Variants in ADGRL2 observed in about 807,000 individuals in gnomAD.
ADGRL2 encodes adhesion G protein-coupled receptor L2.
ADGRL2 carries 44 observed loss-of-function variants against 157.4 expected under a neutral mutation model. That is an observed-to-expected ratio of 0.28 (90% CI 0.22 to 0.36). The LOEUF (loss-of-function observed/expected upper bound fraction) is 0.36, where lower values mean the gene tolerates loss of function less well. Among genes scored for constraint, ADGRL2 ranks in the 10% least tolerant of loss-of-function variants. The probability of loss-of-function intolerance (pLI) is 1.00; values close to 1 mark genes in which losing one functional copy is unlikely to be tolerated. For synonymous variants in ADGRL2, 585 were observed against 624.7 expected (o/e 0.94, Z 0.95); for missense variants, 1,510 against 1,768.9 (o/e 0.85, Z 2.63).
chr1:81,785,769 C>A (rs537815053), intron 2 of ADGRL2, among the ~76,000 whole-genome samples: 1 of 152,100 alleles, frequency 6.6e-6, no homozygotes, highest in African/African-American at 2.4e-5. Context: ...ACCGAACTAG[C>A]ATGTTTAATA....
At chr1:81,430,443 A>G (rs1353926551) in intron 1 of ADGRL2, among the ~76,000 whole-genome samples, 1 of 152,114 alleles carries the variant, frequency 6.6e-6, no homozygotes, top group Non-Finnish European at 1.5e-5. Flanking sequence ...GTTTCCAGTT[A>G]GAGGATGGGA....
chr1:81,357,780 A>G (rs1005644982), intron 1 of ADGRL2, among the ~76,000 whole-genome samples: 1 of 152,164 alleles, frequency 6.6e-6, no homozygotes, highest in Admixed American at 6.6e-5. Flanking sequence ...TAAAATCTGT[A>G]TATAAACCCA....
intron 3 of ADGRL2, among the ~76,000 whole-genome samples, chr1:81,687,388 T>C (rs1163158842): frequency 6.6e-6 from 1 of 152,234 alleles, no homozygotes; most frequent in African/African-American, 2.4e-5. Context: ...TTTAGCATTA[T>C]ATAATGTCTC....
At chr1:81,657,042 T>C (rs1570752704) in intron 3 of ADGRL2, among the ~76,000 whole-genome samples, 1 of 149,272 alleles carries the variant, frequency 6.7e-6, no homozygotes, top group East Asian at 2.0e-4. Flanking sequence ...CAGAAAGCCA[T>C]GCAACTTATA....
intron 2 of ADGRL2, among the ~76,000 whole-genome samples, chr1:81,454,407 T>C (rs371780732): frequency 3.3e-5 from 5 of 152,216 alleles, no homozygotes; most frequent in African/African-American, 9.6e-5. Flanking sequence ...TCTTGTGATA[T>C]AGATTTCCAA....
intron 3 of ADGRL2, among the ~76,000 whole-genome samples, chr1:81,630,748 A>C (rs565190872): frequency 6.6e-6 from 1 of 152,352 alleles, no homozygotes; most frequent in Non-Finnish European, 1.5e-5. Flanking sequence ...ATAGGCTACA[A>C]GTTTAAAGTT....
At chr1:81,467,046 T>TAA (rs550364036) in intron 2 of ADGRL2, among the ~76,000 whole-genome samples, 1,423 of 130,664 alleles carry the variant, frequency 0.011, 25 homozygotes, top group East Asian at 0.079. Context: ...AAGCTACAGT[T>TAA]AAAAAAAAAA....
chr1:81,482,122 T>C (rs2147886617), intron 2 of ADGRL2, among the ~76,000 whole-genome samples: 1 of 152,344 alleles, frequency 6.6e-6, no homozygotes, highest in East Asian at 1.9e-4. Flanking sequence ...GCTTAGACTC[T>C]TTTAAAACAC....
intron 3 of ADGRL2, among the ~76,000 whole-genome samples, chr1:81,601,078 C>G (rs17106796): frequency 0.15 from 22,753 of 152,150 alleles, 1,926 homozygotes; most frequent in Non-Finnish European, 0.18. Context: ...TGACTAGCAA[C>G]TGCGTTTTCC....
chr1:81,604,753 A>G (rs2148648167), intron 3 of ADGRL2, among the ~76,000 whole-genome samples: 1 of 152,218 alleles, frequency 6.6e-6, no homozygotes, highest in East Asian at 1.9e-4. Context: ...CTTCTCATCA[A>G]GAACACAGCA....
chr1:81,853,953 T>G (rs934258148), intron 2 of ADGRL2, among the ~76,000 whole-genome samples: 1 of 152,174 alleles, frequency 6.6e-6, no homozygotes, highest in Non-Finnish European at 1.5e-5. Context: ...TTTAATAAGT[T>G]GGATCACAGA....
At chr1:81,549,161 C>A (rs1480385710) in intron 2 of ADGRL2, among the ~76,000 whole-genome samples, 1 of 152,226 alleles carries the variant, frequency 6.6e-6, no homozygotes, top group Non-Finnish European at 1.5e-5. Context: ...TATTACCAAG[C>A]AGATCCTTTT....
At chr1:81,863,093 G>C (rs150149715) in intron 2 of ADGRL2, among the ~76,000 whole-genome samples, 1 of 152,116 alleles carries the variant, frequency 6.6e-6, no homozygotes, top group African/African-American at 2.4e-5. Context: ...GAGTCTAACA[G>C]TACAGTGAAG....
chr1:81,980,742 A>G lies in ADGRL2; in HGVS notation c.3113+782A>G, dbSNP rs1661422509. The G allele has an allele frequency of 6.3e-6, 4 of 630,790 alleles. No homozygotes were observed. The South Asian group carries it at 8.4e-5, about 13-fold the overall frequency. The allele number at this position is 630,790 out of a possible 1,614,324, so 39.1% of individuals were successfully genotyped here. A position where few individuals can be genotyped will look rare whatever the true frequency, so the allele number is the denominator to read the frequency against. ...ATGGTAAGAGAGAGAGCTAATCTTT[A>G]GCATCTCTCTCTTTTCTTCCTTTTC... is the stretch of plus-strand genomic sequence containing the variant. On this transcript the variant is annotated intron_variant, in intron 18 of 23. Coordinates refer to ENST00000686636, the MANE Select transcript of ADGRL2 (RefSeq NM_001366006.2).
At chr1:81,895,099 A>C (rs568826984) in intron 2 of ADGRL2, among the ~76,000 whole-genome samples, 34 of 152,256 alleles carry the variant, frequency 2.2e-4, no homozygotes, top group African/African-American at 8.2e-4. Flanking sequence ...CACTTGCTTG[A>C]GTCAGCAGTG....
intron 2 of ADGRL2, among the ~76,000 whole-genome samples, chr1:81,512,695 A>G (rs78404979): frequency 0.017 from 2,542 of 152,126 alleles, 40 homozygotes; most frequent in East Asian, 0.051. Flanking sequence ...CAGTAGGGGG[A>G]AAAAATACCC....
chr1:81,502,037 A>G (rs915207751), intron 2 of ADGRL2: 2 of 1,603,276 alleles, frequency 1.2e-6, no homozygotes, highest in South Asian at 1.1e-5. Flanking sequence ...TGAACGGGGC[A>G]ACATGAACTC....
At chr1:81,925,093 G>T (rs1365154652) in intron 3 of ADGRL2, among the ~76,000 whole-genome samples, 1 of 152,014 alleles carries the variant, frequency 6.6e-6, no homozygotes, top group South Asian at 2.1e-4. Context: ...TTCTATGTGG[G>T]AAAGAAGGAC....
intron 2 of ADGRL2, among the ~76,000 whole-genome samples, chr1:81,891,347 T>A (rs1281312038): frequency 6.6e-6 from 1 of 152,126 alleles, no homozygotes; most frequent in African/African-American, 2.4e-5. Context: ...AAATTTTATC[T>A]AAATCTTAGT....
Sources: gnomAD v4.1 joint callset for allele counts (sites outside exome capture counted in the v4.1 genomes callset) on GRCh38, gnomAD v4.1.1 for gene constraint, MANE v1.5 for transcripts, NCBI Gene and HGNC (gene_info 2026-07-23, HGNC 2026-07-21) for gene names.